Variants in PPFIA1 observed in about 807,000 individuals in gnomAD.
PPFIA1 encodes PPFI scaffold protein A1, also known as liprin-alpha-1.
Under a neutral mutation model 149.9 loss-of-function variants are expected in PPFIA1, and 25 were observed. The observed-to-expected ratio is 0.17, with a 90% CI of 0.12 to 0.23. The LOEUF (loss-of-function observed/expected upper bound fraction) is 0.23, where lower values mean the gene tolerates loss of function less well. Among genes scored for constraint, PPFIA1 ranks in the 10% least tolerant of loss-of-function variants. The probability of loss-of-function intolerance (pLI) is 1.00; values close to 1 mark genes in which losing one functional copy is unlikely to be tolerated. For missense variants in PPFIA1, 1,362 were observed against 1,506.5 expected (o/e 0.90, Z 1.59); for synonymous variants, 549 against 552.8 (o/e 0.99, Z 0.10).
At chr11:70,294,028 C>A (rs1275955271) in intron 2 of PPFIA1, among the ~76,000 whole-genome samples, 1 of 150,890 alleles carries the variant, frequency 6.6e-6, no homozygotes, top group Non-Finnish European at 1.5e-5. Flanking sequence ...CCTCGACTTC[C>A]TGGGCTCGAG....
chr11:70,312,998 G>A (rs2053389391), intron 2 of PPFIA1, among the ~76,000 whole-genome samples: 1 of 152,220 alleles, frequency 6.6e-6, no homozygotes, highest in Non-Finnish European at 1.5e-5. Flanking sequence ...CATCAGGTAA[G>A]TGGGAGCTGG....
At chr11:70,365,842 T>G (rs183658838) in intron 21 of PPFIA1, 1 of 420,428 alleles carries the variant, frequency 2.4e-6, no homozygotes, top group East Asian at 7.1e-5. Context: ...TTTCACTCAG[T>G]GAAGCTGCAT....
intron 19 of PPFIA1, among the ~76,000 whole-genome samples, chr11:70,361,632 T>TA (rs1269968336): frequency 6.6e-6 from 1 of 151,118 alleles, no homozygotes; most frequent in African/African-American, 2.4e-5. Context: ...TTTTTTTTTT[T>TA]AGAGATAGGG....
chr11:70,341,983 G>A (rs969267002), intron 14 of PPFIA1: 2 of 152,668 alleles, frequency 1.3e-5, no homozygotes, highest in South Asian at 2.1e-4. Context: ...AAGCTGGCCT[G>A]CAGCAAGGTC....
At chr11:70,333,603 C>A in intron 10 of PPFIA1, 50 bp downstream of exon 10, 1 of 1,459,000 alleles carries the variant, frequency 6.9e-7, no homozygotes, top group Middle Eastern at 1.7e-4. Context: ...GCTGCAAGGT[C>A]ATTGCTCGGC....
chr11:70,337,297 A>G (rs2055041295), intron 11 of PPFIA1, 68 bp from the exon 12 acceptor site: 1 of 1,110,444 alleles, frequency 9.0e-7, no homozygotes, highest in Non-Finnish European at 1.3e-6. Context: ...TTTTAAACGA[A>G]TACAGCCATG....
rs759375484 is a variant in PPFIA1, at chr11:70,318,184, G to A, written c.265-6218G>A. On this transcript the variant is annotated intron_variant, in intron 2 of 27. Coordinates refer to ENST00000253925, the MANE Select transcript of PPFIA1 (RefSeq NM_003626.5). ...GCATCCCGCCCTCTTTCTTCTACGC[G>A]GCATGCTGCCTACCCGTCCTCTCTT... 2.6e-5 allele frequency among the ~76,000 whole-genome samples: 4 copies of A among 152,036 alleles called. No homozygotes were observed. The East Asian group carries it at 5.8e-4, about 22-fold the overall frequency.
At chr11:70,360,289 A>G (rs1463138853) in intron 19 of PPFIA1, among the ~76,000 whole-genome samples, 1 of 152,258 alleles carries the variant, frequency 6.6e-6, no homozygotes, top group East Asian at 1.9e-4. Context: ...GACAGTGTAC[A>G]CCAGTCTCCA....
intron 2 of PPFIA1, among the ~76,000 whole-genome samples, chr11:70,293,502 C>T (rs2051678590): frequency 6.6e-6 from 1 of 152,144 alleles, no homozygotes; most frequent in South Asian, 2.1e-4. Flanking sequence ...GGCTTTGAAA[C>T]ATAATAGAGT....
At chr11:70,289,987 G>C (rs770502913) in intron 2 of PPFIA1, among the ~76,000 whole-genome samples, 1 of 152,064 alleles carries the variant, frequency 6.6e-6, no homozygotes, top group Non-Finnish European at 1.5e-5. Flanking sequence ...CCCACACTTC[G>C]GGAGGCTGAG....
At chr11:70,272,581 A>G (rs1312653551) in intron 2 of PPFIA1, 145 bp downstream of exon 2, 11 of 1,010,860 alleles carry the variant, frequency 1.1e-5, no homozygotes, top group Non-Finnish European at 1.6e-5. Flanking sequence ...GTCAAATACA[A>G]AGTTCCTAGG....
chr11:70,281,478 A>G (rs899996377), intron 2 of PPFIA1, among the ~76,000 whole-genome samples: 1 of 152,164 alleles, frequency 6.6e-6, no homozygotes, highest in African/African-American at 2.4e-5. Flanking sequence ...CCTTAACGCC[A>G]TGAGACTACT....
Position 70,273,267 on chromosome 11 carries a change from A to T in PPFIA1, c.264+831A>T, listed in dbSNP as rs537443883. ...TCTCCAGCCTGTCTCAAAAAAAAAAAAGATTTTTAAAGCTTAGAACAACTG... is the reference window on the plus strand; with the variant it reads ...TCTCCAGCCTGTCTCAAAAAAAAAATAGATTTTTAAAGCTTAGAACAACTG... On this transcript the variant is annotated intron_variant, in intron 2 of 27. Transcript: ENST00000253925. 3.3e-5 allele frequency among the ~76,000 whole-genome samples: 5 copies of T among 152,270 alleles called. No homozygotes were observed. In the East Asian group the frequency reaches 9.6e-4, roughly 29 times the overall value.
chr11:70,277,060 A>ATTTTTTTT (rs1555076271), intron 2 of PPFIA1, among the ~76,000 whole-genome samples: 2 of 66,308 alleles, frequency 3.0e-5, no homozygotes, highest in African/African-American at 1.2e-4. Flanking sequence ...ATATATATAT[A>ATTTTTTTT]TTTTTTTTTT....
At chr11:70,346,337 G>A (rs943162774) in intron 15 of PPFIA1, among the ~76,000 whole-genome samples, 1 of 152,158 alleles carries the variant, frequency 6.6e-6, no homozygotes, top group African/African-American at 2.4e-5. Context: ...TGAAGTTTAC[G>A]TGGGTGGAGG....
At chr11:70,348,446 T>C in intron 16 of PPFIA1, 26 bp downstream of exon 16, 1 of 1,527,444 alleles carries the variant, frequency 6.5e-7, no homozygotes, top group Non-Finnish European at 9.1e-7. Context: ...TTCCCTGCTG[T>C]GGCTGCCCTC....
intron 2 of PPFIA1, among the ~76,000 whole-genome samples, chr11:70,305,596 C>G (rs192682529): frequency 2.0e-5 from 3 of 152,262 alleles, no homozygotes; most frequent in Admixed American, 2.0e-4. Flanking sequence ...GTCTCGAACT[C>G]CTGAGGTCAA....
rs569684294 is a variant in PPFIA1, at chr11:70,316,917, C to T, written c.265-7485C>T. On this transcript the variant is annotated intron_variant, in intron 2 of 27. Coordinates refer to ENST00000253925, the MANE Select transcript of PPFIA1 (RefSeq NM_003626.5). ...CAGAAGTGATAAACATCAGCATTAT[C>T]AGGCATTATGTGAAACCAAGTTCTT... Among the ~76,000 whole-genome samples the T allele has an allele frequency of 2.6e-5, 4 of 152,328 alleles. No homozygotes were observed. In the South Asian group the frequency reaches 8.3e-4, roughly 32 times the overall value.
At chr11:70,333,136 G>A (rs769858791) in intron 9 of PPFIA1, 2 of 483,278 alleles carry the variant, frequency 4.1e-6, no homozygotes, top group South Asian at 3.1e-5. Flanking sequence ...GCTTGCCGCT[G>A]CTTTCTGCTT....
Sources: gnomAD v4.1 joint callset for allele counts (sites outside exome capture counted in the v4.1 genomes callset) on GRCh38, gnomAD v4.1.1 for gene constraint, MANE v1.5 for transcripts, NCBI Gene and HGNC (gene_info 2026-07-23, HGNC 2026-07-21) for gene names.